Variants in SMAD2 observed in about 807,000 individuals in gnomAD.
SMAD2 encodes the protein SMAD family member 2, also known as MAD homolog 2.
Under a neutral mutation model 64.4 loss-of-function variants are expected in SMAD2, and 8 were observed. That is an observed-to-expected ratio of 0.12 (90% CI 0.07 to 0.22). The LOEUF is 0.22. Ranked by LOEUF, SMAD2 falls within the 10% of genes least tolerant of loss-of-function variation. The pLI is 1.00. For synonymous variants in SMAD2, 203 were observed against 195.8 expected (o/e 1.04, Z -0.31); for missense variants, 289 against 561.2 (o/e 0.51, Z 4.90).
intron 1 of SMAD2, among the ~76,000 whole-genome samples, chr18:47,909,799 A>T (rs1783643773): frequency 6.6e-6 from 1 of 152,324 alleles, no homozygotes; most frequent in South Asian, 2.1e-4. Context: ...AGTTCTTTTG[A>T]CATTGGACAA....
rs1004514887 is a variant in SMAD2 at position 47,812,505 on chromosome 18, G to A, written c.*29322C>T. The A allele has an allele frequency of 3.3e-5, 5 of 152,254 alleles. No individual in the cohort carries two copies. The highest frequency in any genetic ancestry group is 5.9e-5 in the Non-Finnish European group (4 of 68,096). The allele number at this position is 152,254 out of a possible 1,614,324, so 9.4% of individuals were successfully genotyped here. On this transcript the variant is annotated 3_prime_UTR_variant, in exon 11 of 11. Transcript: ENST00000262160. ...GCACCTTCTTCACAAGGTGGCAGAAGAGAGTGTGAGTGTGTGAAAGTACAG... is the reference window on the plus strand; with the variant it reads ...GCACCTTCTTCACAAGGTGGCAGAAAAGAGTGTGAGTGTGTGAAAGTACAG...
chr18:47,901,317 G>C (rs1438117719), intron 1 of SMAD2, among the ~76,000 whole-genome samples: 4 of 152,012 alleles, frequency 2.6e-5, no homozygotes, highest in Non-Finnish European at 5.9e-5. Context: ...GATTGGTATA[G>C]CCACACTTAT....
At chr18:47,886,103 C>T (rs1266863786) in intron 2 of SMAD2, among the ~76,000 whole-genome samples, 2 of 152,194 alleles carry the variant, frequency 1.3e-5, no homozygotes, top group Non-Finnish European at 2.9e-5. Context: ...GATGACTTTA[C>T]ATCAACCATA....
At chr18:47,850,310 TGTTA>T (rs1195175020) in intron 7 of SMAD2, among the ~76,000 whole-genome samples, 1 of 38,756 alleles carries the variant, frequency 2.6e-5, no homozygotes, top group African/African-American at 1.2e-4. Context: ...ATATTATGTA[TGTTA>T]TATACATATT....
intron 5 of SMAD2, chr18:47,866,917 A>C (rs1404550499): frequency 6.6e-6 from 1 of 152,260 alleles, no homozygotes; most frequent in Non-Finnish European, 1.5e-5. Context: ...GAAAGCCACT[A>C]AACATTCTGG....
Position 47,819,429 on chromosome 18 carries a change from A to G in SMAD2, c.*22398T>C, listed in dbSNP as rs1186236034. On this transcript the variant is annotated 3_prime_UTR_variant, in exon 11 of 11. Coordinates refer to ENST00000262160, the MANE Select transcript of SMAD2 (RefSeq NM_005901.6). ...TGAACACATGATACTCACAGGTAAT[A>G]AAAATGGTTAACAGGAAAATAACTT... is the stretch of plus-strand genomic sequence containing the variant. 2.0e-5 allele frequency: 3 copies of G among 152,222 alleles called. No homozygotes were observed. The highest frequency in any genetic ancestry group is 4.4e-5 in the Non-Finnish European group (3 of 68,038). The allele number at this position is 152,222 out of a possible 1,614,324, so 9.4% of individuals were successfully genotyped here.
At chr18:47,889,113 GAAA>G (rs1008412182) in intron 2 of SMAD2, among the ~76,000 whole-genome samples, 2 of 151,434 alleles carry the variant, frequency 1.3e-5, no homozygotes, top group Admixed American at 1.3e-4. Context: ...AAGAGAAAAA[GAAA>G]AAAAAGGAAA....
intron 1 of SMAD2, among the ~76,000 whole-genome samples, chr18:47,910,273 AGAC>A (rs1278687942): frequency 6.6e-6 from 1 of 152,164 alleles, no homozygotes; most frequent in Non-Finnish European, 1.5e-5. Context: ...AATTAACAGA[AGAC>A]GACGTAACAG....
At position 47,896,768 on chromosome 18, in the gene SMAD2, AG is replaced by A. The variant is rs2144475564; in HGVS notation, c.-13del. 1 of 1,613,014 alleles carries A rather than the reference AG, an allele frequency of 6.2e-7. No homozygotes were observed. The highest frequency in any genetic ancestry group is 2.2e-5 in the East Asian group (1 of 44,852). ...AAGATGGACGACATGTTCTTACCAA[AG>A]GCAGCAAGCCACGCTAGGAAAACAG... On this transcript the variant is annotated 5_prime_UTR_variant, in exon 2 of 11. Transcript: ENST00000262160.
At chr18:47,869,110 C>A in intron 4 of SMAD2, 133 bp downstream of exon 4, 13 of 650,886 alleles carry the variant, frequency 2.0e-5, no homozygotes, top group South Asian at 4.2e-5. Context: ...TAATTACCAC[C>A]AAATAATATG....
chr18:47,908,166 T>C, intron 1 of SMAD2, among the ~76,000 whole-genome samples: 1 of 152,186 alleles, frequency 6.6e-6, no homozygotes, highest in Non-Finnish European at 1.5e-5. Flanking sequence ...CTTGGAAGTT[T>C]CCGTCCACAA....
Position 47,827,814 on chromosome 18 carries a change from C to A in SMAD2, c.*14013G>T, listed in dbSNP as rs577042855. On this transcript the variant is annotated 3_prime_UTR_variant, in exon 11 of 11. Transcript: ENST00000262160. ...TTGCCCAGGCTGGAGTGCAGTGGCA[C>A]GATCTCGGCTCGCTACAACCTCCAC... 2 of 185,104 alleles carry A rather than the reference C, an allele frequency of 1.1e-5. No individual in the cohort carries two copies. The highest frequency in any genetic ancestry group is 1.1e-5 in the Non-Finnish European group (1 of 91,228). 11.5% of individuals were successfully genotyped at this position (185,104 alleles called of 1,614,324 possible).
At chr18:47,845,548 A>G (rs2144288895) in intron 9 of SMAD2, 64 bp from the exon 10 acceptor site, 3 of 1,580,152 alleles carry the variant, frequency 1.9e-6, no homozygotes, top group Non-Finnish European at 2.6e-6. Flanking sequence ...TAATTTTAAA[A>G]GGGTTACAAG....
At chr18:47,853,749 G>A (rs1373940172) in intron 6 of SMAD2, among the ~76,000 whole-genome samples, 1 of 28,646 alleles carries the variant, frequency 3.5e-5, no homozygotes, top group African/African-American at 1.3e-4. Context: ...TGAAAAATCT[G>A]CTGGCAAGTC....
chr18:47,838,260 G>A lies in SMAD2; in HGVS notation c.*3567C>T, dbSNP rs530477080. 1 of 233,038 alleles carries A rather than the reference G, an allele frequency of 4.3e-6. No homozygotes were observed. The highest frequency in any genetic ancestry group is 1.8e-4 in the South Asian group (1 of 5,520). 14.4% of individuals were successfully genotyped at this position (233,038 alleles called of 1,614,324 possible). ...GACAAATCAAGCAAAACTCAATGTG[G>A]CTTAAGGTAAAAAATACAACTAGGT... On this transcript the variant is annotated 3_prime_UTR_variant, in exon 11 of 11. Transcript: ENST00000262160.
intron 2 of SMAD2, among the ~76,000 whole-genome samples, chr18:47,882,972 T>C (rs529389284): frequency 3.9e-5 from 6 of 152,340 alleles, no homozygotes; most frequent in African/African-American, 9.6e-5. Context: ...AGTACCAATA[T>C]AGGTCATTTG....
intron 1 of SMAD2, among the ~76,000 whole-genome samples, chr18:47,898,421 G>C (rs2033535621): frequency 6.6e-6 from 1 of 152,130 alleles, no homozygotes; most frequent in Non-Finnish European, 1.5e-5. Flanking sequence ...TTGTGTATGT[G>C]TGTACAAAAA....
chr18:47,865,178 C>G (rs1211962101), intron 5 of SMAD2, 45 bp from the exon 6 acceptor site: 1 of 1,017,802 alleles, frequency 9.8e-7, no homozygotes, highest in East Asian at 2.4e-5. Context: ...AACATAATCT[C>G]ACTACCTTTT....
In SMAD2 at chr18:47,824,420, T is replaced by C. The variant is rs560312847; in HGVS notation, c.*17407A>G. 1 of 152,364 alleles carries C rather than the reference T, an allele frequency of 6.6e-6. No homozygotes were observed. Among genetic ancestry groups the C allele is most frequent in the Middle Eastern group, 3.4e-3 (1 of 292 alleles). 9.4% of individuals were successfully genotyped at this position (152,364 alleles called of 1,614,324 possible). A position where few individuals can be genotyped will look rare whatever the true frequency, so the allele number is the denominator to read the frequency against. Reference sequence around the variant, plus strand: ...TGGCAGCATCCTTGTTATTAATCCTTGTAGCCAAGAATAATTATTTCAAGA... The same window carrying C: ...TGGCAGCATCCTTGTTATTAATCCTCGTAGCCAAGAATAATTATTTCAAGA... On this transcript the variant is annotated 3_prime_UTR_variant, in exon 11 of 11. Transcript: ENST00000262160.
Sources: gnomAD v4.1 joint callset for allele counts (sites outside exome capture counted in the v4.1 genomes callset) on GRCh38, gnomAD v4.1.1 for gene constraint, MANE v1.5 for transcripts, NCBI Gene and HGNC (gene_info 2026-07-23, HGNC 2026-07-21) for gene names.